FARP1: variants seen among roughly 807,000 people sequenced by gnomAD.
FARP1 encodes FERM, ARHGEF and pleckstrin domain-containing protein 1.
In FARP1, 52 loss-of-function variants were observed where a neutral mutation model predicts 128.8. The observed-to-expected ratio is 0.40, with a 90% confidence interval of 0.32 to 0.51. The LOEUF is 0.51. Ranked by LOEUF, FARP1 falls within the 20% of genes least tolerant of loss-of-function variation. The pLI, the probability that FARP1 is intolerant of heterozygous loss-of-function variation, is 0.45. For synonymous variants in FARP1, 580 were observed against 551.8 expected, an observed-to-expected ratio of 1.05 and a Z score of -0.72; for missense variants, 1,333 against 1,367.9, an observed-to-expected ratio of 0.97 and a Z score of 0.40.
At chr13:98,321,702 C>T (rs946076544) in intron 2 of FARP1, among the ~76,000 whole-genome samples, 3 of 152,166 alleles carry the variant, frequency 2.0e-5, no homozygotes, top group African/African-American at 7.2e-5. Context: ...GCCTCTTGGC[C>T]TCATATGACT....
At chr13:98,181,421 G>T (rs925580634) in intron 1 of FARP1, among the ~76,000 whole-genome samples, 2 of 152,020 alleles carry the variant, frequency 1.3e-5, no homozygotes, top group Non-Finnish European at 2.9e-5. Flanking sequence ...GGCAGCGATG[G>T]AGAAGAGCAA....
chr13:98,380,796 C>G lies in FARP1; in HGVS notation c.496+2878C>G, dbSNP rs568702078. 3.6e-3 allele frequency among the ~76,000 whole-genome samples: 550 copies of G among 152,262 alleles called. 6 individuals carry two copies. Among genetic ancestry groups the G allele is most frequent in the African/African-American group, 0.013 (526 of 41,542 alleles). Reference sequence around the variant, plus strand: ...GTCTCACTGTGTTGCCCAGGCCAGTCTCAAACTCCTGAGCTCAAGTGATCT... The same window carrying G: ...GTCTCACTGTGTTGCCCAGGCCAGTGTCAAACTCCTGAGCTCAAGTGATCT... On this transcript the variant is annotated intron_variant, in intron 6 of 26. Coordinates refer to ENST00000319562, the MANE Select transcript of FARP1 (RefSeq NM_005766.4).
intron 6 of FARP1, among the ~76,000 whole-genome samples, chr13:98,379,066 AATATATG>A (rs1310933333): frequency 1.2e-5 from 1 of 81,278 alleles, no homozygotes; most frequent in African/African-American, 6.4e-5. Context: ...TATAATATAT[AATATATG>A]TAATATGTAA....
intron 1 of FARP1, among the ~76,000 whole-genome samples, chr13:98,187,344 G>T (rs1594246860): frequency 6.6e-6 from 1 of 152,308 alleles, no homozygotes; most frequent in Middle Eastern, 3.4e-3. Context: ...TAAGAGTGGA[G>T]ATGCTGTCAC....
At chr13:98,260,154 A>G (rs184302546) in intron 2 of FARP1, among the ~76,000 whole-genome samples, 3 of 152,310 alleles carry the variant, frequency 2.0e-5, no homozygotes, top group South Asian at 4.1e-4. Flanking sequence ...AAGCACACAC[A>G]CACGCCCCTC....
At chr13:98,236,157 A>G (rs1882406222) in intron 2 of FARP1, among the ~76,000 whole-genome samples, 1 of 152,156 alleles carries the variant, frequency 6.6e-6, no homozygotes, top group Non-Finnish European at 1.5e-5. Context: ...CGTTTTTAGA[A>G]CAAAGAGGGA....
chr13:98,395,181 C>T (rs763046302), intron 12 of FARP1, 46 bp from the exon 13 acceptor site: 3 of 1,541,728 alleles, frequency 1.9e-6, no homozygotes, highest in South Asian at 2.5e-5. Context: ...GAATAACAGT[C>T]TCCCTCTTCT....
At chr13:98,334,247 G>A (rs545449790) in intron 2 of FARP1, 1 of 152,320 alleles carries the variant, frequency 6.6e-6, no homozygotes, top group East Asian at 1.9e-4. Context: ...TCTGCCCACA[G>A]GGTAAAGCCC....
chr13:98,320,090 C>T (rs377328275), intron 2 of FARP1, among the ~76,000 whole-genome samples: 45 of 152,266 alleles, frequency 3.0e-4, no homozygotes, highest in Middle Eastern at 3.4e-3. Context: ...GTTTTCCTCC[C>T]GGGCTAGCTC....
chr13:98,217,878 C>T (rs185330197), intron 2 of FARP1, among the ~76,000 whole-genome samples: 9 of 152,266 alleles, frequency 5.9e-5, no homozygotes, highest in South Asian at 2.1e-4. Flanking sequence ...TCTGCTCGGT[C>T]GTTTAACTAT....
Position 98,424,578 on chromosome 13 carries a change from C to T in FARP1, c.1833C>T (p.Gly611=). 6.2e-7 allele frequency: 1 copy of T among 1,611,760 alleles called. No individual in the cohort carries two copies. Among genetic ancestry groups the T allele is most frequent in the Non-Finnish European group, 8.5e-7 (1 of 1,177,826 alleles). The change falls in exon 17 of 27, where the codon GGC becomes GGT. Residue 611 remains glycine (G), a synonymous_variant. Transcript: ENST00000319562. Reference sequence around the variant, plus strand: ...CCTTTGCTTTTGCTCTCAGGGAAGGCCGCTCAAATGCCCAAATCAGAGATT... The same window carrying T: ...CCTTTGCTTTTGCTCTCAGGGAAGGTCGCTCAAATGCCCAAATCAGAGATT... ...EIEQRLALWE[G]RSNAQIRDYQ... is the part of the protein sequence containing the mutation.
intron 14 of FARP1, 128 bp downstream of exon 14, chr13:98,409,653 T>C: frequency 1.3e-6 from 1 of 762,578 alleles, no homozygotes; most frequent in Non-Finnish European, 1.9e-6. Context: ...AGTGTACAGC[T>C]TGCTGGCATT....
At chr13:98,259,226 A>G (rs1452915291) in intron 2 of FARP1, among the ~76,000 whole-genome samples, 1 of 151,738 alleles carries the variant, frequency 6.6e-6, no homozygotes, top group Non-Finnish European at 1.5e-5. Context: ...TCAAAAATAG[A>G]TATGTATATT....
chr13:98,334,651 C>G (rs566104717), intron 2 of FARP1, among the ~76,000 whole-genome samples: 1 of 152,288 alleles, frequency 6.6e-6, no homozygotes, highest in South Asian at 2.1e-4. Flanking sequence ...TATTGATGCC[C>G]TACCCACCAT....
rs181130613 is a variant in FARP1 at position 98,200,765 on chromosome 13, G to A, written c.-23-12455G>A. Among the ~76,000 whole-genome samples, 307 of 152,300 alleles carry A rather than the reference G, an allele frequency of 2.0e-3. 1 individual carries two copies. Among genetic ancestry groups the A allele is most frequent in the African/African-American group, 6.9e-3 (287 of 41,568 alleles). On this transcript the variant is annotated intron_variant, in intron 1 of 26. Transcript: ENST00000319562. ...GAAGCTAAATGTAAACAACACCCCA[G>A]GGAAGATGAAGTGAGTATTTTTTTC...
intron 5 of FARP1, among the ~76,000 whole-genome samples, chr13:98,374,724 T>C (rs563874263): frequency 2.3e-3 from 348 of 152,324 alleles, no homozygotes; most frequent in Non-Finnish European, 4.1e-3. Context: ...CAGGGTAATT[T>C]ATAAAGAAAA....
intron 1 of FARP1, among the ~76,000 whole-genome samples, chr13:98,188,824 G>T (rs141994788): frequency 6.6e-6 from 1 of 152,198 alleles, no homozygotes; most frequent in Non-Finnish European, 1.5e-5. Context: ...AAACGGGGAC[G>T]CATGTCCTGC....
Position 98,176,195 on chromosome 13 carries a change from T to G in FARP1, c.-24+32703T>G. 1 of 1,610,332 alleles carries G rather than the reference T, an allele frequency of 6.2e-7. No individual in the cohort carries two copies. The highest frequency in any genetic ancestry group is 1.1e-5 in the South Asian group (1 of 90,798). ...TTTTTTCCTAAAAGAACAAAAAAAT[T>G]TATTTAAATGTGAGAATTATGGGAA... On this transcript the variant is annotated intron_variant, in intron 1 of 26. Coordinates refer to ENST00000319562, the MANE Select transcript of FARP1 (RefSeq NM_005766.4). The surrounding 1 kb of genome is among the most constrained non-coding windows in gnomAD (Gnocchi z 6.2).
At chr13:98,446,877 C>G in intron 26 of FARP1, 60 bp downstream of exon 26, 4 of 1,573,494 alleles carry the variant, frequency 2.5e-6, no homozygotes, top group Non-Finnish European at 3.5e-6. Context: ...TTCCAAACAT[C>G]AGGATTTCTC....
Sources: gnomAD v4.1 joint callset for allele counts (sites outside exome capture counted in the v4.1 genomes callset) on GRCh38, gnomAD v4.1.1 for gene constraint, Gnocchi (gnomAD v3.1) non-coding constraint, MANE v1.5 for transcripts, NCBI Gene and HGNC (gene_info 2026-07-23, HGNC 2026-07-21) for gene names.